RNF111: variants seen among roughly 807,000 people sequenced by gnomAD.
The protein encoded by RNF111 is ring finger protein 111, also known as E3 ubiquitin-protein ligase Arkadia.
In RNF111, 17 loss-of-function variants were observed where a neutral mutation model predicts 95.1. The ratio of observed to expected loss-of-function variants is 0.18; its 90% CI spans 0.12 to 0.27. The LOEUF is 0.27. Ranked by LOEUF, RNF111 falls within the 10% of genes least tolerant of loss-of-function variation. The pLI is 1.00. For synonymous variants in RNF111, 440 were observed against 414.8 expected (o/e 1.06, Z -0.74); for missense variants, 1,189 against 1,210.4 (o/e 0.98, Z 0.26).
chr15:59,037,348 A>G (rs1566898859), intron 2 of RNF111, among the ~76,000 whole-genome samples: 1 of 152,164 alleles, frequency 6.6e-6, no homozygotes, highest in Non-Finnish European at 1.5e-5. Context: ...TTACTGCAAT[A>G]TGTCAAGAAC....
chr15:59,095,805 T>C lies in RNF111; in HGVS notation c.*905T>C. 1 of 390,956 alleles carries C rather than the reference T, an allele frequency of 2.6e-6. No homozygotes were observed. Among genetic ancestry groups the C allele is most frequent in the Non-Finnish European group, 4.5e-6 (1 of 221,390 alleles). 24.2% of individuals were successfully genotyped at this position (390,956 alleles called of 1,614,324 possible). On this transcript the variant is annotated 3_prime_UTR_variant, in exon 14 of 14. Coordinates refer to ENST00000348370, the MANE Select transcript of RNF111 (RefSeq NM_017610.8). ...TTCTGCTAAGCACGAAAAGTTAAGA[T>C]ATCTGCTTACATTGATTTTGTAGAC...
intron 1 of RNF111, among the ~76,000 whole-genome samples, chr15:59,000,540 T>C (rs1462603534): frequency 6.6e-6 from 1 of 151,930 alleles, no homozygotes; most frequent in Non-Finnish European, 1.5e-5. Context: ...GGGGAAACCC[T>C]GTCTCTACGA....
At chr15:59,008,482 T>C (rs1282528753) in intron 1 of RNF111, among the ~76,000 whole-genome samples, 2 of 152,212 alleles carry the variant, frequency 1.3e-5, no homozygotes, top group African/African-American at 4.8e-5. Flanking sequence ...CCTCCCAAAG[T>C]GCTGGTATTT....
At position 59,092,564 on chromosome 15, in the gene RNF111, G is replaced by A. The variant is rs774474946; in HGVS notation, c.2767G>A (p.Glu923Lys). The A allele has an allele frequency of 1.9e-6, 3 of 1,612,934 alleles. No homozygotes were observed. Among genetic ancestry groups the A allele is most frequent in the Non-Finnish European group, 2.5e-6 (3 of 1,179,136 alleles). Residue 923 changes from glutamate to lysine, a missense_variant, in exon 13 of 14, where the codon GAA becomes AAA. Coordinates refer to ENST00000348370, the MANE Select transcript of RNF111 (RefSeq NM_017610.8). ...GAAACTGCACTGCAAACAAGATGGGGAAGAAGGGACTGAGGAAGACACAGA... is the reference window on the plus strand; with the variant it reads ...GAAACTGCACTGCAAACAAGATGGGAAAGAAGGGACTGAGGAAGACACAGA... ...KRKLHCKQDGEEGTEEDTEEK... is the reference protein window; with the variant it reads ...KRKLHCKQDGKEGTEEDTEEK...
At chr15:59,016,043 G>A (rs189471346) in intron 1 of RNF111, among the ~76,000 whole-genome samples, 78 of 151,840 alleles carry the variant, frequency 5.1e-4, no homozygotes, top group Non-Finnish European at 1.0e-3. Flanking sequence ...TAGAGACAGG[G>A]TTTTGCCATG....
At chr15:59,007,749 C>T (rs2039606781) in intron 1 of RNF111, among the ~76,000 whole-genome samples, 1 of 152,130 alleles carries the variant, frequency 6.6e-6, no homozygotes, top group African/African-American at 2.4e-5. Context: ...TTGCATTCCT[C>T]TGGTGACTAA....
chr15:59,085,889 T>C (rs1269097326), intron 10 of RNF111, 104 bp downstream of exon 10: 1 of 989,596 alleles, frequency 1.0e-6, no homozygotes, highest in African/African-American at 1.7e-5. Context: ...TTTAATAGAA[T>C]TTGAGAGTAA....
At chr15:59,012,267 C>T (rs1366809245) in intron 1 of RNF111, among the ~76,000 whole-genome samples, 4 of 151,938 alleles carry the variant, frequency 2.6e-5, no homozygotes, top group African/African-American at 9.7e-5. Flanking sequence ...GGTCCACTTG[C>T]CTAGGCCTCC....
chr15:59,032,954 A>G (rs1359607324), intron 2 of RNF111, among the ~76,000 whole-genome samples: 2 of 152,184 alleles, frequency 1.3e-5, no homozygotes, highest in African/African-American at 4.8e-5. Context: ...TTATTTGCAG[A>G]CAGTCCTGAA....
chr15:59,085,528 A>G (rs1297496429), intron 9 of RNF111, 131 bp from the exon 10 acceptor site: 12 of 762,828 alleles, frequency 1.6e-5, no homozygotes, highest in South Asian at 1.5e-4. Flanking sequence ...ATTTTGGGCT[A>G]AATTATCTTT....
chr15:59,068,586 AC>A (rs1478359988), intron 6 of RNF111, among the ~76,000 whole-genome samples: 2 of 152,186 alleles, frequency 1.3e-5, no homozygotes, highest in Non-Finnish European at 2.9e-5. Context: ...AGCCTGGGCA[AC>A]AGAGCAAGAC....
At chr15:59,067,507 A>G (rs1304076015) in intron 6 of RNF111, among the ~76,000 whole-genome samples, 29 of 152,100 alleles carry the variant, frequency 1.9e-4, no homozygotes. Flanking sequence ...TATACACTAA[A>G]TTAATCACAT....
At chr15:59,051,172 C>T (rs2041961221) in intron 2 of RNF111, among the ~76,000 whole-genome samples, 1 of 151,976 alleles carries the variant, frequency 6.6e-6, no homozygotes, top group African/African-American at 2.4e-5. Flanking sequence ...ACAAATTTTG[C>T]GCCTGGTGCG....
intron 13 of RNF111, among the ~76,000 whole-genome samples, chr15:59,093,063 T>C (rs2079096520): frequency 6.6e-6 from 1 of 152,212 alleles, no homozygotes; most frequent in Non-Finnish European, 1.5e-5. Context: ...CATATACTGT[T>C]ACCAATTTCT....
chr15:59,080,554 G>T lies in RNF111; in HGVS notation c.1949-382G>T, dbSNP rs577756378. Among the ~76,000 whole-genome samples the T allele has an allele frequency of 2.1e-4, 32 of 152,260 alleles. 1 individual carries two copies. In the South Asian group the frequency reaches 5.0e-3, roughly 24 times the overall value. ...TTACAGGAATTTATGCTACAGAAAT[G>T]ATCTCTATATATGTGTGTATACATG... On this transcript the variant is annotated intron_variant, in intron 7 of 13. Transcript: ENST00000348370.
At chr15:59,076,624 C>T (rs775814407) in intron 7 of RNF111, among the ~76,000 whole-genome samples, 20 of 152,262 alleles carry the variant, frequency 1.3e-4, no homozygotes, top group Non-Finnish European at 8.8e-5. Flanking sequence ...CTTTGGGAGG[C>T]CAAGGCAGGA....
chr15:59,064,653 G>A (rs192801525), intron 5 of RNF111, among the ~76,000 whole-genome samples: 220 of 151,080 alleles, frequency 1.5e-3, no homozygotes, highest in African/African-American at 5.2e-3. Context: ...TTTTTCTTCC[G>A]TCCAAGTTCA....
chr15:59,048,531 A>G (rs1835154250), intron 2 of RNF111, among the ~76,000 whole-genome samples: 2 of 152,198 alleles, frequency 1.3e-5, no homozygotes, highest in Admixed American at 1.3e-4. Context: ...GATTGTGGTG[A>G]TGATTACACT....
chr15:59,029,014 C>T (rs922628600), intron 1 of RNF111, among the ~76,000 whole-genome samples: 15 of 152,054 alleles, frequency 9.9e-5, no homozygotes, highest in Middle Eastern at 3.4e-3. Flanking sequence ...TCCTGGCCTC[C>T]AGTGATCCGC....
Sources: gnomAD v4.1 joint callset for allele counts (sites outside exome capture counted in the v4.1 genomes callset) on GRCh38, gnomAD v4.1.1 for gene constraint, MANE v1.5 for transcripts, NCBI Gene and HGNC (gene_info 2026-07-23, HGNC 2026-07-21) for gene names.